PCDHGA5: variants seen among roughly 807,000 people sequenced by gnomAD.
The protein encoded by PCDHGA5 is protocadherin gamma-A5.
PCDHGA5 carries 36 observed loss-of-function variants against 56.7 expected under a neutral mutation model. That is an observed-to-expected ratio of 0.64 (90% CI 0.49 to 0.84). The LOEUF is 0.84. Among genes scored for constraint, PCDHGA5 ranks in the 40% least tolerant of loss-of-function variants. The pLI, the probability that PCDHGA5 is intolerant of heterozygous loss-of-function variation, is 0.00. For missense variants in PCDHGA5, 1,305 were observed against 1,201.5 expected (o/e 1.09, Z -1.27); for synonymous variants, 563 against 520.2 (o/e 1.08, Z -1.12).
intron 1 of PCDHGA5, chr5:141,412,426 A>G (rs1051574976): frequency 2.6e-5 from 4 of 152,234 alleles, no homozygotes; most frequent in African/African-American, 9.6e-5. Context: ...GTTTTACACA[A>G]AAAGGTTAAT....
chr5:141,395,515 C>T (rs527577408), intron 1 of PCDHGA5: 5 of 407,340 alleles, frequency 1.2e-5, no homozygotes, highest in South Asian at 7.2e-5. Context: ...AGTAGCTACC[C>T]GTCCATACTG....
At chr5:141,371,755 A>T (rs752277488) in intron 1 of PCDHGA5, 3 of 1,614,030 alleles carry the variant, frequency 1.9e-6, no homozygotes, top group South Asian at 1.1e-5. Flanking sequence ...GTTTTCCACC[A>T]GGCCTCCTAC....
intron 1 of PCDHGA5, chr5:141,388,223 A>G: frequency 6.2e-7 from 1 of 1,602,840 alleles, no homozygotes; most frequent in Non-Finnish European, 8.5e-7. Context: ...CTGAAAATCC[A>G]CTGAACTTTT....
At chr5:141,400,174 G>T in intron 1 of PCDHGA5, 1 of 1,614,076 alleles carries the variant, frequency 6.2e-7, no homozygotes, top group Non-Finnish European at 8.5e-7. Context: ...CCCCCAGGCT[G>T]AGCTGCAGTT....
Position 141,486,895 on chromosome 5 carries a change from C to T in PCDHGA5, c.2422-7912C>T, listed in dbSNP as rs1286004461. ...TCCGTCCTCGGGCCCGGCCTGGTTC[C>T]TTATGTCCCCAAGCACTGCCTCCAT... On this transcript the variant is annotated intron_variant, in intron 1 of 3. Coordinates refer to ENST00000518069, the MANE Select transcript of PCDHGA5 (RefSeq NM_018918.3). This position sits in a 1 kb window ranked among gnomAD's most constrained non-coding sequence, Gnocchi z 5.0. 3 of 1,614,134 alleles carry T rather than the reference C, an allele frequency of 1.9e-6. No homozygotes were observed. The highest frequency in any genetic ancestry group is 3.3e-5 in the Admixed American group (2 of 60,012).
Position 141,422,144 on chromosome 5 carries a change from G to A in PCDHGA5, c.2421+55393G>A, listed in dbSNP as rs748208921. On this transcript the variant is annotated intron_variant, in intron 1 of 3. Transcript: ENST00000518069. Reference sequence around the variant, plus strand: ...CAAACTGGAGAAGTTCAAGTACGGGGGTCTCTGGATTTTGAAAAATATAGA... The same window carrying A: ...CAAACTGGAGAAGTTCAAGTACGGGAGTCTCTGGATTTTGAAAAATATAGA... 1.9e-6 allele frequency: 3 copies of A among 1,583,402 alleles called. No individual in the cohort carries two copies. In the African/African-American group the frequency reaches 4.1e-5, roughly 22 times the overall value.
At chr5:141,386,994 AT>A (rs1291262145) in intron 1 of PCDHGA5, among the ~76,000 whole-genome samples, 1 of 152,224 alleles carries the variant, frequency 6.6e-6, no homozygotes, top group Non-Finnish European at 1.5e-5. Flanking sequence ...GCTATGTATT[AT>A]CCCCCTGATA....
chr5:141,387,634 G>A, intron 1 of PCDHGA5: 3 of 589,412 alleles, frequency 5.1e-6, no homozygotes, highest in South Asian at 2.4e-5. Flanking sequence ...TCTGGGCGCC[G>A]CTGTTGGCCA....
Position 141,365,053 on chromosome 5 carries a change from G to A in PCDHGA5, c.723G>A (p.Leu241=). 6.2e-7 allele frequency: 1 copy of A among 1,613,802 alleles called. No homozygotes were observed. The highest frequency in any genetic ancestry group is 1.3e-5 in the African/African-American group (1 of 75,028). The change falls in exon 1 of 4, where the codon CTG becomes CTA. Residue 241 remains leucine (L), a synonymous_variant. Transcript: ENST00000518069. ...TVLDANDNAP[L]FTPSEYSVSV... is the part of the protein sequence containing the mutation. ...TCGACGCAAACGACAATGCGCCCCTGTTCACCCCATCCGAGTACAGCGTGA... is the reference window on the plus strand; with the variant it reads ...TCGACGCAAACGACAATGCGCCCCTATTCACCCCATCCGAGTACAGCGTGA...
chr5:141,421,795 GC>G, intron 1 of PCDHGA5: 1 of 1,613,818 alleles, frequency 6.2e-7, no homozygotes, highest in East Asian at 2.2e-5. Context: ...AACGGATGGG[GC>G]CAAGAATCCA....
intron 1 of PCDHGA5, among the ~76,000 whole-genome samples, chr5:141,446,802 G>T (rs2098516342): frequency 6.6e-6 from 1 of 152,130 alleles, no homozygotes; most frequent in South Asian, 2.1e-4. Flanking sequence ...CTTCCATTGT[G>T]ATCATCTAGT....
intron 1 of PCDHGA5, among the ~76,000 whole-genome samples, chr5:141,386,699 G>A (rs2150319335): frequency 6.6e-6 from 1 of 152,226 alleles, no homozygotes; most frequent in Non-Finnish European, 1.5e-5. Context: ...TGGGGTAGAA[G>A]ACAATGTTGC....
At chr5:141,393,348 T>G in intron 1 of PCDHGA5, 1 of 1,613,848 alleles carries the variant, frequency 6.2e-7, no homozygotes, top group Non-Finnish European at 8.5e-7. Context: ...TCACCACTTC[T>G]CCCTGGACGT....
chr5:141,392,746 G>A (rs970809453), intron 1 of PCDHGA5: 4 of 1,443,856 alleles, frequency 2.8e-6, no homozygotes, highest in Non-Finnish European at 3.6e-6. Flanking sequence ...CATAGCTGCG[G>A]CAAGAAACTA....
intron 3 of PCDHGA5, 124 bp from the exon 4 acceptor site, chr5:141,510,823 C>A: frequency 6.4e-7 from 1 of 1,562,432 alleles, no homozygotes. Context: ...CCTATATTCC[C>A]AGTGCTCAGC....
chr5:141,487,355 G>A lies in PCDHGA5; in HGVS notation c.2422-7452G>A. ...AGCCTGTGGAGTCACATGCTTTCCT[G>A]CTGGCACCTGTGCCTGTCTCACCAG... On this transcript the variant is annotated intron_variant, in intron 1 of 3. Coordinates refer to ENST00000518069, the MANE Select transcript of PCDHGA5 (RefSeq NM_018918.3). This position sits in a 1 kb window ranked among gnomAD's most constrained non-coding sequence, Gnocchi z 5.0. 1 of 1,614,150 alleles carries A rather than the reference G, an allele frequency of 6.2e-7. No homozygotes were observed. Among genetic ancestry groups the A allele is most frequent in the South Asian group, 1.1e-5 (1 of 91,090 alleles).
rs190449546 is a variant in PCDHGA5, at chr5:141,371,792, G to T, written c.2421+5041G>T. ...CCGTGCATGTAGCTGAGAACAATCC[G>T]CCTGGAGCCTCCATTGCGCATGTCA... On this transcript the variant is annotated intron_variant, in intron 1 of 3. Transcript: ENST00000518069. The T allele has an allele frequency of 2.8e-4, 458 of 1,613,872 alleles. 2 individuals are homozygous for T. In the African/African-American group the frequency reaches 4.6e-3, roughly 16 times the overall value.
intron 1 of PCDHGA5, chr5:141,421,579 T>G (rs753573473): frequency 1.9e-6 from 3 of 1,613,816 alleles, no homozygotes; most frequent in Non-Finnish European, 2.5e-6. Context: ...CTTGAAGATT[T>G]ACGGAGTGGA....
At chr5:141,401,677 G>C (rs1017959276) in intron 1 of PCDHGA5, among the ~76,000 whole-genome samples, 2 of 152,184 alleles carry the variant, frequency 1.3e-5, no homozygotes, top group Non-Finnish European at 2.9e-5. Flanking sequence ...CATCCTTGTA[G>C]GATGGAAGGT....
Sources: gnomAD v4.1 joint callset for allele counts (sites outside exome capture counted in the v4.1 genomes callset) on GRCh38, gnomAD v4.1.1 for gene constraint, Gnocchi (gnomAD v3.1) non-coding constraint, MANE v1.5 for transcripts, NCBI Gene and HGNC (gene_info 2026-07-23, HGNC 2026-07-21) for gene names.